Variants in RAP1GAP observed in about 807,000 individuals in gnomAD.
The protein encoded by RAP1GAP is RAP1 GTPase activating protein, also known as rap1 GTPase-activating protein 1.
RAP1GAP carries 35 observed loss-of-function variants against 87.2 expected under a neutral mutation model. That is an observed-to-expected ratio of 0.40 (90% CI 0.31 to 0.53). The LOEUF (loss-of-function observed/expected upper bound fraction) is 0.53, where lower values mean the gene tolerates loss of function less well. Among genes scored for constraint, RAP1GAP ranks in the 20% least tolerant of loss-of-function variants. RAP1GAP has a pLI of 0.48. For synonymous variants in RAP1GAP, 375 were observed against 363.9 expected (o/e 1.03, Z -0.35); for missense variants, 734 against 898.9 (o/e 0.82, Z 2.35).
rs1238792848 is a variant in RAP1GAP at position 21,626,314 on chromosome 1, A to C, written c.-29T>G. The C allele has an allele frequency of 6.2e-7, 1 of 1,606,088 alleles. No individual in the cohort carries two copies. The highest frequency in any genetic ancestry group is 1.3e-5 in the African/African-American group (1 of 74,736). The stretch of plus-strand genomic sequence containing the variant: ...GAGGGGGACACTTACCTTAGGGTAG[A>C]GTGAAGGAGTATAGGAGGGAACTAA... On this transcript the variant is annotated 5_prime_UTR_variant, in exon 3 of 25. Transcript: ENST00000374765.
chr1:21,618,350 C>G (rs759714416), intron 5 of RAP1GAP, among the ~76,000 whole-genome samples: 3 of 152,190 alleles, frequency 2.0e-5, no homozygotes, highest in Non-Finnish European at 4.4e-5. Flanking sequence ...AAGAGAGCAT[C>G]AGGCTTACTG....
chr1:21,613,310 G>T lies in RAP1GAP; in HGVS notation c.475-81C>A. ...GGGCTGCCTGGGCCTCCCTGGTCAA[G>T]GTCTGGGGAGGAGCCATGCTGGGAA... On this transcript the variant is annotated intron_variant, in intron 9 of 24. Coordinates refer to ENST00000374765, the MANE Select transcript of RAP1GAP (RefSeq NM_002885.4). This position sits in a 1 kb window ranked among gnomAD's most constrained non-coding sequence, Gnocchi z 4.7. 1 of 1,280,516 alleles carries T rather than the reference G, an allele frequency of 7.8e-7. No individual in the cohort carries two copies. The highest frequency in any genetic ancestry group is 1.1e-6 in the Non-Finnish European group (1 of 878,448). 79.3% of individuals were successfully genotyped at this position (1,280,516 alleles called of 1,614,324 possible). A position where few individuals can be genotyped will look rare whatever the true frequency, so the allele number is the denominator to read the frequency against.
intron 1 of RAP1GAP, among the ~76,000 whole-genome samples, chr1:21,653,619 G>C: frequency 7.7e-6 from 1 of 129,202 alleles, no homozygotes; most frequent in Non-Finnish European, 1.7e-5. Context: ...TCCTTCCTAA[G>C]TAGTAGCAGC....
In RAP1GAP at chr1:21,611,403, G is replaced by T. The variant is rs200778423; in HGVS notation, c.843+49C>A. 36 of 1,577,618 alleles carry T rather than the reference G, an allele frequency of 2.3e-5. No individual in the cohort carries two copies. In the Admixed American group the frequency reaches 6.4e-4, roughly 28 times the overall value. On this transcript the variant is annotated intron_variant, in intron 13 of 24. Coordinates refer to ENST00000374765, the MANE Select transcript of RAP1GAP (RefSeq NM_002885.4). ...GATGGAGGCTGAACAGACAGGTGGA[G>T]GGGGAGGACAGGTGGAAGACAGGAG... is the stretch of plus-strand genomic sequence containing the variant.
chr1:21,613,105 G>A lies in RAP1GAP; in HGVS notation c.528+71C>T. The A allele has an allele frequency of 1.4e-6, 2 of 1,430,328 alleles. No individual in the cohort carries two copies. Among genetic ancestry groups the A allele is most frequent in the Non-Finnish European group, 2.0e-6 (2 of 1,013,552 alleles). The allele number at this position is 1,430,328 out of a possible 1,614,324, so 88.6% of individuals were successfully genotyped here. A position where few individuals can be genotyped will look rare whatever the true frequency, so the allele number is the denominator to read the frequency against. ...TGGGAAAGTATCTGGCACACAGAAG[G>A]TGCTTAATAAATGCTCAGTCTTCCA... On this transcript the variant is annotated intron_variant, in intron 10 of 24. Coordinates refer to ENST00000374765, the MANE Select transcript of RAP1GAP (RefSeq NM_002885.4). This position sits in a 1 kb window ranked among gnomAD's most constrained non-coding sequence, Gnocchi z 4.7.
At position 21,634,711 on chromosome 1, in the gene RAP1GAP, G is replaced by A. The variant is rs1032536684; in HGVS notation, c.-112-8314C>T. On this transcript the variant is annotated intron_variant, in intron 2 of 24. Coordinates refer to ENST00000374765, the MANE Select transcript of RAP1GAP (RefSeq NM_002885.4). The surrounding 1 kb of genome is among the most constrained non-coding windows in gnomAD (Gnocchi z 4.1). ...TGGCAGCCTAGAGAGGTGGTCACGG[G>A]ACCGGTCCCTGCCCAGGGCACAGCA... is the stretch of plus-strand genomic sequence containing the variant. 2 of 419,620 alleles carry A rather than the reference G, an allele frequency of 4.8e-6. No individual in the cohort carries two copies. The highest frequency in any genetic ancestry group is 2.0e-5 in the African/African-American group (1 of 48,938). The allele number at this position is 419,620 out of a possible 1,614,324, so 26.0% of individuals were successfully genotyped here.
At chr1:21,645,486 T>TAA (rs2095959350) in intron 2 of RAP1GAP, among the ~76,000 whole-genome samples, 1 of 151,548 alleles carries the variant, frequency 6.6e-6, no homozygotes, top group Non-Finnish European at 1.5e-5. Flanking sequence ...TCTCAAAAAA[T>TAA]AAAAATAAAA....
rs575954168 is a variant in RAP1GAP, at chr1:21,626,295, G to A, written c.-19+9C>T. ...ACCAGGGGCCGTAGGTATGGAGGGGGACACTTACCTTAGGGTAGAGTGAAG... is the reference window on the plus strand; with the variant it reads ...ACCAGGGGCCGTAGGTATGGAGGGGAACACTTACCTTAGGGTAGAGTGAAG... On this transcript the variant is annotated intron_variant, in intron 3 of 24. Transcript: ENST00000374765. 1.3e-4 allele frequency: 199 copies of A among 1,588,140 alleles called. 1 individual carries two copies. In the South Asian group the frequency reaches 2.2e-3, roughly 17 times the overall value.
intron 2 of RAP1GAP, among the ~76,000 whole-genome samples, chr1:21,643,568 AAAAAAAAG>A (rs1486730528): frequency 1.1e-3 from 136 of 127,972 alleles, no homozygotes; most frequent in Non-Finnish European, 1.5e-3. Flanking sequence ...AAAAAAAAAA[AAAAAAAAG>A]AAAAAAGAAA....
chr1:21,644,924 A>AGT, intron 2 of RAP1GAP, among the ~76,000 whole-genome samples: 2 of 147,442 alleles, frequency 1.4e-5, no homozygotes, highest in Non-Finnish European at 3.0e-5. Flanking sequence ...AAAAAAAGAG[A>AGT]AAAGAAAGAA....
rs1363412488 is a variant in RAP1GAP, at chr1:21,609,047, G to A, written c.1072-111C>T. The A allele has an allele frequency of 1.1e-6, 1 of 903,662 alleles. No individual in the cohort carries two copies. Among genetic ancestry groups the A allele is most frequent in the African/African-American group, 1.6e-5 (1 of 61,374 alleles). 56.0% of individuals were successfully genotyped at this position (903,662 alleles called of 1,614,324 possible). On this transcript the variant is annotated intron_variant, in intron 15 of 24. Transcript: ENST00000374765. This position sits in a 1 kb window ranked among gnomAD's most constrained non-coding sequence, Gnocchi z 4.4. ...TGCAGCTCCTGAACCATGCTCTGCT[G>A]GGGCCTGGGGTCACCCTCTTCACTC...
intron 2 of RAP1GAP, among the ~76,000 whole-genome samples, chr1:21,642,401 C>G (rs1295851520): frequency 6.6e-6 from 1 of 152,216 alleles, no homozygotes; most frequent in Non-Finnish European, 1.5e-5. Flanking sequence ...ATCCCCCCAC[C>G]AATCTTCCAG....
At chr1:21,619,205 T>C (rs928490448) in intron 4 of RAP1GAP, 133 bp from the exon 5 acceptor site, 9 of 937,236 alleles carry the variant, frequency 9.6e-6, no homozygotes, top group African/African-American at 5.0e-5. Context: ...GGCAGGGTGC[T>C]AGCTGGCTGG....
intron 17 of RAP1GAP, among the ~76,000 whole-genome samples, chr1:21,606,980 G>A (rs1485288379): frequency 6.6e-6 from 1 of 152,348 alleles, no homozygotes; most frequent in Non-Finnish European, 1.5e-5. Flanking sequence ...CCTGTCTCCA[G>A]TCCCCAAGCC....
intron 2 of RAP1GAP, among the ~76,000 whole-genome samples, chr1:21,637,310 C>T (rs926410123): frequency 1.2e-5 from 1 of 82,844 alleles, no homozygotes; most frequent in African/African-American, 3.9e-5. Flanking sequence ...GTGCATGCCA[C>T]CACATCCGGC....
chr1:21,653,590 T>TCCTCCCTC (rs796131778), intron 1 of RAP1GAP, among the ~76,000 whole-genome samples: 12 of 93,064 alleles, frequency 1.3e-4, no homozygotes, highest in African/African-American at 4.6e-4. Context: ...CTTCCTTCCT[T>TCCTCCCTC]CCTCCCTCCC....
intron 2 of RAP1GAP, among the ~76,000 whole-genome samples, chr1:21,631,384 C>T (rs901863082): frequency 6.6e-6 from 1 of 152,174 alleles, no homozygotes; most frequent in Non-Finnish European, 1.5e-5. Context: ...GCCACAGCAA[C>T]TTATTAAAAA....
intron 23 of RAP1GAP, 48 bp downstream of exon 23, chr1:21,597,913 C>T (rs764755932): frequency 6.5e-7 from 1 of 1,534,130 alleles, no homozygotes; most frequent in Non-Finnish European, 8.9e-7. Flanking sequence ...AGCTCATCCC[C>T]TCCCGGGTGG....
At position 21,620,057 on chromosome 1, in the gene RAP1GAP, CAG is replaced by C. The variant is rs775205256; in HGVS notation, c.-18-9_-18-8del. The C allele has an allele frequency of 4.3e-6, 7 of 1,613,722 alleles. No homozygotes were observed. The Admixed American group carries it at 1.0e-4, about 23-fold the overall frequency. On this transcript the variant is annotated splice_polypyrimidine_tract_variant and splice_region_variant and intron_variant, in intron 3 of 24. Coordinates refer to ENST00000374765, the MANE Select transcript of RAP1GAP (RefSeq NM_002885.4). ...TCTCAAATAGATCTGTGTTCTGCAA[CAG>C]AGACAGGGGAGAGCGAGGTCAGCTG... is the stretch of plus-strand genomic sequence containing the variant.
Sources: gnomAD v4.1 joint callset for allele counts (sites outside exome capture counted in the v4.1 genomes callset) on GRCh38, gnomAD v4.1.1 for gene constraint, Gnocchi (gnomAD v3.1) non-coding constraint, MANE v1.5 for transcripts, NCBI Gene and HGNC (gene_info 2026-07-23, HGNC 2026-07-21) for gene names.